PCDHA5: variants seen among roughly 807,000 people sequenced by gnomAD.
PCDHA5 encodes the protein protocadherin alpha-5.
In PCDHA5, 43 loss-of-function variants were observed where a neutral mutation model predicts 61.6. The observed-to-expected ratio is 0.70, with a 90% CI of 0.55 to 0.90. The LOEUF (loss-of-function observed/expected upper bound fraction) is 0.90, where lower values mean the gene tolerates loss of function less well. Among genes scored for constraint, PCDHA5 ranks in the 40% least tolerant of loss-of-function variants. PCDHA5 has a pLI of 0.00. For missense variants in PCDHA5, 1,298 were observed against 1,222.7 expected (o/e 1.06, Z -0.92); for synonymous variants, 627 against 543.9 (o/e 1.15, Z -2.13).
chr5:140,852,909 C>T lies in PCDHA5; in HGVS notation c.2352+28782C>T, dbSNP rs2150524759. On this transcript the variant is annotated intron_variant, in intron 1 of 3. Transcript: ENST00000529859. ...TATTTTTTTTTTTGAGTCAGAGTCTCGCTCTGTTGCCCAGGCTGGAGTGCA... is the reference window on the plus strand; with the variant it reads ...TATTTTTTTTTTTGAGTCAGAGTCTTGCTCTGTTGCCCAGGCTGGAGTGCA... The T allele has an allele frequency of 5.3e-4, 419 of 797,890 alleles. 9 individuals carry two copies. The South Asian group carries it at 0.02, about 38-fold the overall frequency. The allele number at this position is 797,890 out of a possible 1,614,324, so 49.4% of individuals were successfully genotyped here.
At chr5:140,876,039 T>C in intron 1 of PCDHA5, 1 of 1,613,746 alleles carries the variant, frequency 6.2e-7, no homozygotes, top group Non-Finnish European at 8.5e-7. Context: ...AAGATAAAAG[T>C]ATATTGCCTG....
rs193129915 is a variant in PCDHA5 at position 140,907,396 on chromosome 5, T to C, written c.2353-71553T>C. On this transcript the variant is annotated intron_variant, in intron 1 of 3. Coordinates refer to ENST00000529859, the MANE Select transcript of PCDHA5 (RefSeq NM_018908.3). The stretch of plus-strand genomic sequence containing the variant: ...TGAGTGCCTTGGTCAAAGGCAATGC[T>C]GTGTGGAATACCACGATGGTGGATA... Among the ~76,000 whole-genome samples, 1,220 of 152,314 alleles carry C rather than the reference T, an allele frequency of 8.0e-3. 6 individuals are homozygous for C. Among genetic ancestry groups the C allele is most frequent in the African/African-American group, 0.019 (787 of 41,564 alleles).
chr5:140,870,987 C>T (rs782771467), intron 1 of PCDHA5: 51 of 1,613,334 alleles, frequency 3.2e-5, no homozygotes, highest in Non-Finnish European at 4.1e-5. Context: ...TGTACACGGG[C>T]GAGATAAGCA....
At chr5:140,941,253 T>TTCTTTCTTTCTC (rs1563187863) in intron 1 of PCDHA5, among the ~76,000 whole-genome samples, 4 of 64,962 alleles carry the variant, frequency 6.2e-5, no homozygotes, top group Non-Finnish European at 1.0e-4. Flanking sequence ...CTTTCTTTCT[T>TTCTTTCTTTCTC]TCTCTTTCTT....
intron 1 of PCDHA5, chr5:140,862,278 C>G (rs1367349322): frequency 7.9e-6 from 2 of 252,960 alleles, no homozygotes; most frequent in Middle Eastern, 1.4e-3. Context: ...CTATCATTCC[C>G]TGTACAGGAG....
chr5:140,836,192 CA>C, intron 1 of PCDHA5: 1 of 1,613,846 alleles, frequency 6.2e-7, no homozygotes, highest in Non-Finnish European at 8.5e-7. Flanking sequence ...ACTCAGGCTA[CA>C]ACGCGTGGCT....
intron 1 of PCDHA5, among the ~76,000 whole-genome samples, chr5:140,974,524 T>C (rs976398044): frequency 5.9e-5 from 9 of 152,210 alleles, no homozygotes; most frequent in African/African-American, 9.7e-5. Flanking sequence ...TATTTTAGTT[T>C]TTTTGAGACG....
At chr5:140,905,380 T>G (rs1226315920) in intron 1 of PCDHA5, among the ~76,000 whole-genome samples, 1 of 152,216 alleles carries the variant, frequency 6.6e-6, no homozygotes, top group African/African-American at 2.4e-5. Context: ...TCTGTTCTGT[T>G]TCATAGGTCT....
intron 1 of PCDHA5, among the ~76,000 whole-genome samples, chr5:140,933,677 T>G (rs1024721491): frequency 6.6e-6 from 1 of 151,826 alleles, no homozygotes; most frequent in African/African-American, 2.4e-5. Flanking sequence ...CTCTCTCACA[T>G]TTTTTTTCCT....
chr5:140,823,199 C>A lies in PCDHA5; in HGVS notation c.1424C>A (p.Thr475Lys), dbSNP rs143689350. The A allele has an allele frequency of 1.6e-4, 266 of 1,613,866 alleles. No homozygotes were observed. In the African/African-American group the frequency reaches 3.4e-3, roughly 21 times the overall value. ...ENNPPGCHIF[T>K]VSARDADAQE... ...AACCCGCCAGGCTGCCACATCTTCA[C>A]GGTGTCTGCACGGGACGCGGACGCG... is the stretch of plus-strand genomic sequence containing the variant. Residue 475 changes from threonine (T) to lysine (K), a missense_variant, in exon 1 of 4, where the codon ACG (threonine) becomes AAG (lysine). Coordinates refer to ENST00000529859, the MANE Select transcript of PCDHA5 (RefSeq NM_018908.3).
At chr5:140,869,511 A>C in intron 1 of PCDHA5, 1 of 1,614,194 alleles carries the variant, frequency 6.2e-7, no homozygotes, top group Non-Finnish European at 8.5e-7. Context: ...TCTCGCTCAG[A>C]GAACAAAAGC....
chr5:140,920,692 A>T (rs552577858), intron 1 of PCDHA5, among the ~76,000 whole-genome samples: 7 of 152,114 alleles, frequency 4.6e-5, no homozygotes, highest in Non-Finnish European at 7.4e-5. Flanking sequence ...AAAAATACAA[A>T]CATTAGCTTG....
chr5:140,852,773 T>C, intron 1 of PCDHA5: 3 of 981,330 alleles, frequency 3.1e-6, no homozygotes, highest in East Asian at 1.1e-4. Context: ...GATTATTTGA[T>C]GTGAATAGAG....
At position 140,823,598 on chromosome 5, in the gene PCDHA5, A is replaced by T; in HGVS notation, c.1823A>T (p.Tyr608Phe). 6.2e-7 allele frequency: 1 copy of T among 1,614,002 alleles called. No homozygotes were observed. Among genetic ancestry groups the T allele is most frequent in the Non-Finnish European group, 8.5e-7 (1 of 1,179,928 alleles). The stretch of plus-strand genomic sequence containing the variant: ...TCGGGCTACAACGCTTGGCTTTCGT[A>T]TGAGCTGCAGCCAGCGCCTGGCAGT... ...PDSGYNAWLS[Y>F]ELQPAPGSAR... The change falls in exon 1 of 4, where the codon TAT becomes TTT. Residue 608 changes from tyrosine to phenylalanine, a missense_variant. Transcript: ENST00000529859.
intron 1 of PCDHA5, among the ~76,000 whole-genome samples, chr5:140,940,668 C>T (rs1475667382): frequency 3.3e-5 from 5 of 152,166 alleles, no homozygotes; most frequent in African/African-American, 1.2e-4. Flanking sequence ...AAATCTTCAT[C>T]TGATAATTCC....
chr5:140,836,745 C>T, intron 1 of PCDHA5: 1 of 1,588,116 alleles, frequency 6.3e-7, no homozygotes, highest in Non-Finnish European at 8.6e-7. Flanking sequence ...CAATGTGAGT[C>T]ATAAATAATC....
intron 1 of PCDHA5, among the ~76,000 whole-genome samples, chr5:140,945,145 T>C (rs1310475283): frequency 2.6e-5 from 4 of 152,128 alleles, no homozygotes; most frequent in African/African-American, 2.4e-5. Flanking sequence ...CAATAGCATT[T>C]CTATACACTA....
chr5:140,856,105 C>T (rs1287720041), intron 1 of PCDHA5: 2 of 1,598,000 alleles, frequency 1.3e-6, no homozygotes, highest in Non-Finnish European at 1.7e-6. Flanking sequence ...CGCTTCTTCT[C>T]CTCGCAGCCT....
chr5:140,853,169 G>C lies in PCDHA5; in HGVS notation c.2352+29042G>C, dbSNP rs1002466846. 32 of 959,704 alleles carry C rather than the reference G, an allele frequency of 3.3e-5. 1 individual carries two copies. The South Asian group carries it at 1.3e-3, about 40-fold the overall frequency. 59.4% of individuals were successfully genotyped at this position (959,704 alleles called of 1,614,324 possible). ...GCTGGGATTACAGGCGTGAGCCACC[G>C]CGCCTGGCCTAAAATGTGTTCTTTA... On this transcript the variant is annotated intron_variant, in intron 1 of 3. Transcript: ENST00000529859.
Sources: allele counts gnomAD v4.1 joint callset (sites outside exome capture counted in the v4.1 genomes callset), GRCh38; gene constraint gnomAD v4.1.1; transcripts MANE v1.5; gene names NCBI Gene and HGNC (gene_info 2026-07-23, HGNC 2026-07-21).